Variants in CCDC7 observed in about 807,000 individuals in gnomAD.
CCDC7 encodes coiled-coil domain-containing protein 7.
In CCDC7, 183 loss-of-function variants were observed where a neutral mutation model predicts 196.9. The ratio of observed to expected loss-of-function variants is 0.93; its 90% confidence interval spans 0.82 to 1.05. CCDC7 has a LOEUF of 1.05. CCDC7 is among the 50% of genes least tolerant of loss of function. The pLI is 0.00. For synonymous variants in CCDC7, 525 were observed against 484.6 expected (o/e 1.08, Z -1.10); for missense variants, 1,540 against 1,482.2 (o/e 1.04, Z -0.64).
chr10:32,744,720 T>C (rs577187167), intron 28 of CCDC7, among the ~76,000 whole-genome samples: 1 of 152,234 alleles, frequency 6.6e-6, no homozygotes, highest in African/African-American at 2.4e-5. Context: ...GGTAACAGTC[T>C]TTTATCAGAT....
intron 24 of CCDC7, among the ~76,000 whole-genome samples, chr10:32,708,018 A>G (rs915049754): frequency 2.0e-5 from 3 of 152,186 alleles, no homozygotes; most frequent in African/African-American, 7.2e-5. Context: ...CGCCGAGACA[A>G]TCCTAAGTCA....
intron 31 of CCDC7, among the ~76,000 whole-genome samples, chr10:32,815,596 C>T (rs1192597269): frequency 6.6e-6 from 1 of 152,014 alleles, no homozygotes; most frequent in African/African-American, 2.4e-5. Flanking sequence ...AGAAAATTGG[C>T]TGAATACTTT....
chr10:32,856,745 T>A (rs146607682), intron 41 of CCDC7, among the ~76,000 whole-genome samples: 2 of 152,118 alleles, frequency 1.3e-5, no homozygotes, highest in East Asian at 1.9e-4. Context: ...ACCCTGCTCA[T>A]TGGGGCCTAA....
At chr10:32,757,747 AAGATC>A (rs1390598151) in intron 28 of CCDC7, among the ~76,000 whole-genome samples, 2 of 152,202 alleles carry the variant, frequency 1.3e-5, no homozygotes, top group African/African-American at 2.4e-5. Flanking sequence ...AAAAATAACT[AAGATC>A]AGAGCAGAAC....
At position 32,845,038 on chromosome 10, in the gene CCDC7, T is replaced by A. The variant is rs35605580; in HGVS notation, c.3353-205T>A. Among the ~76,000 whole-genome samples, 752 of 150,930 alleles carry A rather than the reference T, an allele frequency of 5.0e-3. 4 individuals carry two copies. Among genetic ancestry groups the A allele is most frequent in the African/African-American group, 0.017 (698 of 40,920 alleles). On this transcript the variant is annotated intron_variant, in intron 33 of 41. Coordinates refer to ENST00000639629, the Ensembl canonical transcript of CCDC7. ...TTAAATGTCACCAAGGTAAAAAAAA[T>A]TTTTTTCAAGACTAATATTTATGGT... is the stretch of plus-strand genomic sequence containing the variant.
At chr10:32,875,534 T>C (rs964032769) in intron 41 of CCDC7, among the ~76,000 whole-genome samples, 9 of 152,036 alleles carry the variant, frequency 5.9e-5, no homozygotes, top group African/African-American at 2.2e-4. Context: ...TTGGTTACTG[T>C]AGCCTTGTAT....
intron 25 of CCDC7, among the ~76,000 whole-genome samples, chr10:32,723,229 G>C (rs751186194): frequency 1.3e-5 from 2 of 152,120 alleles, no homozygotes; most frequent in Admixed American, 6.6e-5. Flanking sequence ...TGGTCCTGGA[G>C]AGAGTGCGTG....
chr10:32,772,278 C>T (rs996231561), intron 28 of CCDC7, among the ~76,000 whole-genome samples: 1 of 152,116 alleles, frequency 6.6e-6, no homozygotes, highest in Admixed American at 6.5e-5. Context: ...AGTGGTAAGC[C>T]CCACATAGTT....
At chr10:32,813,217 A>G (rs2087574346) in intron 30 of CCDC7, among the ~76,000 whole-genome samples, 3 of 152,126 alleles carry the variant, frequency 2.0e-5, no homozygotes, top group Non-Finnish European at 4.4e-5. Flanking sequence ...CTTAAGCCCA[A>G]TGTTGACCTT....
At chr10:32,608,964 G>T (rs1160431335) in intron 18 of CCDC7, among the ~76,000 whole-genome samples, 2 of 152,114 alleles carry the variant, frequency 1.3e-5, no homozygotes, top group Non-Finnish European at 2.9e-5. Flanking sequence ...TTTCCATTGT[G>T]GTTTTAGAAG....
At chr10:32,798,891 C>T (rs922800715) in intron 29 of CCDC7, among the ~76,000 whole-genome samples, 2 of 152,176 alleles carry the variant, frequency 1.3e-5, no homozygotes, top group African/African-American at 2.4e-5. Context: ...TATTCTCTTC[C>T]TCTGTCCACT....
chr10:32,848,456 G>C (rs562119033), intron 38 of CCDC7, 140 bp from the exon 40 acceptor site: 1 of 613,136 alleles, frequency 1.6e-6, no homozygotes, highest in East Asian at 2.8e-5. Flanking sequence ...AGAAATTTAA[G>C]TAATAAACAA....
At chr10:32,457,587 G>A (rs186581360) in intron 3 of CCDC7, among the ~76,000 whole-genome samples, 2 of 152,226 alleles carry the variant, frequency 1.3e-5, no homozygotes, top group East Asian at 3.9e-4. Context: ...TCTATTGGTA[G>A]TTTTTTGAGG....
chr10:32,605,459 G>A lies in CCDC7; in HGVS notation c.1801+21155G>A, dbSNP rs112553009. Among the ~76,000 whole-genome samples, 90 of 152,276 alleles carry A rather than the reference G, an allele frequency of 5.9e-4. 1 individual carries two copies. Among genetic ancestry groups the A allele is most frequent in the African/African-American group, 2.1e-3 (86 of 41,552 alleles). On this transcript the variant is annotated intron_variant, in intron 18 of 41. Transcript: ENST00000639629. ...GGAGGGCTCCGAAGAAGAACAAGAG[G>A]ATGAGGGAGTTTGGAACTTCGTAGA...
At chr10:32,630,681 G>A (rs1268170977) in intron 18 of CCDC7, among the ~76,000 whole-genome samples, 1 of 152,132 alleles carries the variant, frequency 6.6e-6, no homozygotes. Context: ...GATATTTAAA[G>A]AATATTTTAT....
intron 18 of CCDC7, among the ~76,000 whole-genome samples, chr10:32,588,836 T>C (rs922612335): frequency 4.6e-5 from 7 of 152,222 alleles, no homozygotes; most frequent in African/African-American, 1.7e-4. Context: ...GTTATAGGTC[T>C]GTTCAGATTT....
chr10:32,818,881 C>T (rs1055403476), intron 31 of CCDC7, among the ~76,000 whole-genome samples: 1 of 152,110 alleles, frequency 6.6e-6, no homozygotes, highest in South Asian at 2.1e-4. Flanking sequence ...AAAATTGACA[C>T]CCTAACGTCA....
intron 29 of CCDC7, among the ~76,000 whole-genome samples, chr10:32,780,754 C>G (rs1169861411): frequency 1.3e-5 from 2 of 152,008 alleles, no homozygotes; most frequent in East Asian, 1.9e-4. Context: ...AAACAGGTAT[C>G]AAAATGGCAG....
At chr10:32,481,932 CTCTTTTTGTCTTTAA>C (rs1386059433) in intron 8 of CCDC7, 2 of 152,018 alleles carry the variant, frequency 1.3e-5, no homozygotes, top group Non-Finnish European at 2.9e-5. Context: ...TTTCAAGATT[CTCTTTTTGTCTTTAA>C]TTTTTGACAG....
Sources: allele counts gnomAD v4.1 joint callset (sites outside exome capture counted in the v4.1 genomes callset), GRCh38; gene constraint gnomAD v4.1.1; transcripts MANE v1.5; gene names NCBI Gene and HGNC (gene_info 2026-07-23, HGNC 2026-07-21).